Variants in VAV2 observed in about 807,000 individuals in gnomAD.
The protein encoded by VAV2 is vav guanine nucleotide exchange factor 2.
VAV2 carries 67 observed loss-of-function variants against 132.5 expected under a neutral mutation model. The observed-to-expected ratio is 0.51, with a 90% CI of 0.42 to 0.62. The LOEUF (loss-of-function observed/expected upper bound fraction) is 0.62, where lower values mean the gene tolerates loss of function less well. Ranked by LOEUF, VAV2 falls within the 20% of genes least tolerant of loss-of-function variation. The probability of loss-of-function intolerance (pLI) is 0.00; values close to 1 mark genes in which losing one functional copy is unlikely to be tolerated. For synonymous variants in VAV2, 492 were observed against 443.5 expected (o/e 1.11, Z -1.37); for missense variants, 938 against 1,153.6 (o/e 0.81, Z 2.71).
intron 2 of VAV2, among the ~76,000 whole-genome samples, chr9:133,907,383 C>T (rs1300255681): frequency 6.6e-6 from 1 of 152,206 alleles, no homozygotes; most frequent in East Asian, 1.9e-4. Flanking sequence ...CGGTTCAAGC[C>T]CAGGCCGATC....
At chr9:133,976,448 T>C (rs1842514658) in intron 1 of VAV2, among the ~76,000 whole-genome samples, 1 of 151,086 alleles carries the variant, frequency 6.6e-6, no homozygotes, top group South Asian at 2.1e-4. Context: ...AGTGAGACCC[T>C]AGATTGGAGC....
chr9:133,937,544 G>C (rs1267477230), intron 2 of VAV2, among the ~76,000 whole-genome samples: 9 of 151,052 alleles, frequency 6.0e-5, no homozygotes, highest in Non-Finnish European at 1.5e-5. Flanking sequence ...GTGAGAGTGT[G>C]TGTGTGTGTG....
intron 4 of VAV2, among the ~76,000 whole-genome samples, chr9:133,813,358 G>A (rs969759605): frequency 1.3e-4 from 20 of 152,206 alleles, no homozygotes; most frequent in African/African-American, 4.1e-4. Flanking sequence ...CAATCCCTGC[G>A]GTACTCAGGA....
chr9:133,936,858 G>A (rs1840930318), intron 2 of VAV2, among the ~76,000 whole-genome samples: 1 of 152,210 alleles, frequency 6.6e-6, no homozygotes, highest in Admixed American at 6.5e-5. Context: ...GAGACATGGG[G>A]AGACCAGAGG....
rs1800378604 is a variant in VAV2, at chr9:133,794,099, G to GAA, written c.1101+1568_1101+1569insTT. Among the ~76,000 whole-genome samples, 1 of 152,060 alleles carries GAA rather than the reference G, an allele frequency of 6.6e-6. No individual in the cohort carries two copies. Among genetic ancestry groups the GAA allele is most frequent in the South Asian group, 2.1e-4 (1 of 4,808 alleles). ...ACTCGCCAGCCAGACACCGAGTGCT[G>GAA]AGAGTATGAAACGCAAGACCACACT... On this transcript the variant is annotated intron_variant, in intron 12 of 29. Transcript: ENST00000371850. The surrounding 1 kb of genome is among the most constrained non-coding windows in gnomAD (Gnocchi z 4.6).
intron 4 of VAV2, among the ~76,000 whole-genome samples, chr9:133,825,085 G>T (rs1322065732): frequency 6.6e-6 from 1 of 151,936 alleles, no homozygotes; most frequent in Non-Finnish European, 1.5e-5. Flanking sequence ...GGCCGAGCAC[G>T]CAGTCTTAAA....
intron 1 of VAV2, among the ~76,000 whole-genome samples, chr9:133,941,580 A>T (rs1223208326): frequency 1.4e-5 from 2 of 144,464 alleles, no homozygotes; most frequent in African/African-American, 5.1e-5. Context: ...ACATGAAAGG[A>T]CAAATCCTGT....
chr9:133,882,971 C>G (rs1310714611), intron 2 of VAV2, among the ~76,000 whole-genome samples: 1 of 152,154 alleles, frequency 6.6e-6, no homozygotes, highest in Non-Finnish European at 1.5e-5. Flanking sequence ...GGGGTTCCAC[C>G]TTCCCCAGAG....
At chr9:133,835,352 A>T (rs1836427806) in intron 3 of VAV2, among the ~76,000 whole-genome samples, 2 of 143,378 alleles carry the variant, frequency 1.4e-5, no homozygotes, top group Admixed American at 1.4e-4. Context: ...GCACAGGCCA[A>T]CCACTCAGAG....
chr9:133,967,865 G>A (rs559769894), intron 1 of VAV2, among the ~76,000 whole-genome samples: 2 of 148,880 alleles, frequency 1.3e-5, no homozygotes, highest in South Asian at 2.1e-4. Flanking sequence ...CCCACGAGGT[G>A]GAGGTCGCAG....
At chr9:133,781,679 C>A (rs1042817185) in intron 19 of VAV2, among the ~76,000 whole-genome samples, 1 of 152,198 alleles carries the variant, frequency 6.6e-6, no homozygotes, top group Non-Finnish European at 1.5e-5. Flanking sequence ...GAGCCAAACC[C>A]CAGAGCAAAG....
intron 1 of VAV2, among the ~76,000 whole-genome samples, chr9:133,977,515 C>G (rs939243195): frequency 1.3e-5 from 2 of 152,182 alleles, no homozygotes; most frequent in African/African-American, 4.8e-5. Context: ...CCTTGTGCAC[C>G]GGGGACACGT....
rs148241523 is a variant in VAV2, at chr9:133,982,454, C to T, written c.204+9621G>A. ...GACCTAGGACGGGGCATGGCAGACT[C>T]TGGCTGGCAGGGCAGGAGGCCCCAA... On this transcript the variant is annotated intron_variant, in intron 1 of 29. Coordinates refer to ENST00000371850, the MANE Select transcript of VAV2 (RefSeq NM_001134398.2). Among the ~76,000 whole-genome samples, 373 of 125,862 alleles carry T rather than the reference C, an allele frequency of 3.0e-3. 3 individuals are homozygous for T. The highest frequency in any genetic ancestry group is 0.01 in the African/African-American group (359 of 35,228). The allele number at this position is 125,862 out of a possible 152,430, so 82.6% of individuals were successfully genotyped here. A position where few individuals can be genotyped will look rare whatever the true frequency, so the allele number is the denominator to read the frequency against.
chr9:133,924,480 G>A (rs1840403648), intron 2 of VAV2, among the ~76,000 whole-genome samples: 1 of 152,158 alleles, frequency 6.6e-6, no homozygotes, highest in Admixed American at 6.5e-5. Flanking sequence ...AGCCACCACA[G>A]CGCCTGGCCC....
In VAV2 at chr9:133,769,758, T is replaced by G. The variant is rs1833554290; in HGVS notation, c.2348-255A>C. On this transcript the variant is annotated intron_variant, in intron 27 of 29. Transcript: ENST00000371850. This position sits in a 1 kb window ranked among gnomAD's most constrained non-coding sequence, Gnocchi z 8.1. ...TACTCGAGAGCAAATTGGGACCACC[T>G]CCTCTCATGCCCTCGCCTGGCACAT... 6.6e-6 allele frequency among the ~76,000 whole-genome samples: 1 copy of G among 152,156 alleles called. No individual in the cohort carries two copies. Among genetic ancestry groups the G allele is most frequent in the Non-Finnish European group, 1.5e-5 (1 of 68,014 alleles).
intron 1 of VAV2, among the ~76,000 whole-genome samples, chr9:133,985,962 A>G (rs1163015561): frequency 1.3e-5 from 2 of 152,182 alleles, no homozygotes; most frequent in Non-Finnish European, 2.9e-5. Context: ...AGGGAAAAGA[A>G]AAGCAGAGAT....
In VAV2 at chr9:133,789,339, A is replaced by C. The variant is rs145444804; in HGVS notation, c.1193T>G (p.Val398Gly). 1,182 of 1,613,146 alleles carry C rather than the reference A, an allele frequency of 7.3e-4. No individual in the cohort carries two copies. The highest frequency in any genetic ancestry group is 9.7e-4 in the Non-Finnish European group (1,145 of 1,179,976). The change falls in exon 14 of 30, where the codon GTG becomes GGG. Residue 398 changes from valine (V) to glycine (G), a missense_variant. Coordinates refer to ENST00000371850, the MANE Select transcript of VAV2 (RefSeq NM_001134398.2). ...EFQSSIENLQ[V>G]KLEEFGRPKI... ...TGGTCTTCCAAATTCCTCCAGTTTC[A>C]CTTGCTGGGAAGAAGGAGAGGGGCC... is the stretch of plus-strand genomic sequence containing the variant.
At chr9:133,904,974 C>CTT (rs1490088122) in intron 2 of VAV2, among the ~76,000 whole-genome samples, 6 of 152,242 alleles carry the variant, frequency 3.9e-5, no homozygotes, top group African/African-American at 1.4e-4. Context: ...GCAGGGAGCG[C>CTT]TTGGGACACT....
chr9:133,767,225 A>G (rs962896077), intron 29 of VAV2, among the ~76,000 whole-genome samples: 24 of 152,208 alleles, frequency 1.6e-4, no homozygotes, highest in Non-Finnish European at 2.6e-4. Context: ...TATTTATAAG[A>G]AATCCATTTT....
Sources: gnomAD v4.1 joint callset for allele counts (sites outside exome capture counted in the v4.1 genomes callset) on GRCh38, gnomAD v4.1.1 for gene constraint, Gnocchi (gnomAD v3.1) non-coding constraint, MANE v1.5 for transcripts, NCBI Gene and HGNC (gene_info 2026-07-23, HGNC 2026-07-21) for gene names.